Variants in RNF213 observed in about 807,000 individuals in gnomAD.
The protein encoded by RNF213 is E3 ubiquitin-protein ligase RNF213.
Under a neutral mutation model 514.4 loss-of-function variants are expected in RNF213, and 341 were observed. The observed-to-expected ratio is 0.66, with a 90% CI of 0.61 to 0.73. The LOEUF (loss-of-function observed/expected upper bound fraction) is 0.73, where lower values mean the gene tolerates loss of function less well. Among genes scored for constraint, RNF213 ranks in the 30% least tolerant of loss-of-function variants. The pLI, the probability that RNF213 is intolerant of heterozygous loss-of-function variation, is 0.00. For missense variants in RNF213, 5,767 were observed against 6,615.6 expected (o/e 0.87, Z 4.45); for synonymous variants, 2,655 against 2,658.2 (o/e 1.00, Z 0.04).
At chr17:80,295,900 T>C (rs2044924297) in intron 10 of RNF213, 87 bp downstream of exon 10, 2 of 1,474,896 alleles carry the variant, frequency 1.4e-6, no homozygotes, top group Admixed American at 1.7e-5. Flanking sequence ...CTAGAGTGAC[T>C]GAAAGCACAC....
chr17:80,269,052 A>G (rs956600569), intron 2 of RNF213, among the ~76,000 whole-genome samples: 6 of 152,300 alleles, frequency 3.9e-5, no homozygotes, highest in African/African-American at 1.4e-4. Flanking sequence ...GTCCAAGGGC[A>G]AGAGGAACGT....
intron 42 of RNF213, among the ~76,000 whole-genome samples, chr17:80,367,005 C>A (rs1020549799): frequency 6.6e-6 from 1 of 152,156 alleles, no homozygotes; most frequent in Non-Finnish European, 1.5e-5. Context: ...CAGACATATG[C>A]AAGAATGTTG....
Position 80,345,458 on chromosome 17 carries a change from G to A in RNF213, c.7123G>A (p.Glu2375Lys). 1 of 1,611,848 alleles carries A rather than the reference G, an allele frequency of 6.2e-7. No individual in the cohort carries two copies. Among genetic ancestry groups the A allele is most frequent in the Non-Finnish European group, 8.5e-7 (1 of 1,178,436 alleles). Reference sequence around the variant, plus strand: ...TAAACTGCCCAGACACAAGAAACTTGAGAGGCTCTGCCTGACCTTAGGGAT... The same window carrying A: ...TAAACTGCCCAGACACAAGAAACTTAAGAGGCTCTGCCTGACCTTAGGGAT... The part of the protein sequence containing the change: ...FDKLPRHKKL[E>K]RLCLTLGIPQ... Residue 2375 changes from glutamate to lysine, a missense_variant, in exon 29 of 68, where the codon GAG becomes AAG. Around this residue, in one of 13 missense-constraint regions of RNF213, gnomAD observed 1,377 missense variants for 1,635.2 expected, o/e 0.84. Transcript: ENST00000582970. This position sits in a 1 kb window ranked among gnomAD's most constrained non-coding sequence, Gnocchi z 6.0.
intron 61 of RNF213, 149 bp downstream of exon 61, chr17:80,385,770 G>A (rs2080212157): frequency 4.2e-6 from 3 of 721,282 alleles, no homozygotes; most frequent in Non-Finnish European, 4.9e-6. Flanking sequence ...TCGCCAGGCT[G>A]GAGTGCAGTG....
chr17:80,318,821 C>T (rs1268891999), intron 16 of RNF213, among the ~76,000 whole-genome samples: 2 of 152,204 alleles, frequency 1.3e-5, no homozygotes, highest in Non-Finnish European at 2.9e-5. Context: ...GATCCACCCG[C>T]CTCAGCCTCC....
In RNF213 at chr17:80,385,581, G is replaced by A; in HGVS notation, c.14499G>A (p.Leu4833=). 1 of 1,614,180 alleles carries A rather than the reference G, an allele frequency of 6.2e-7. No homozygotes were observed. The highest frequency in any genetic ancestry group is 8.5e-7 in the Non-Finnish European group (1 of 1,180,024). The change falls in exon 61 of 68, where the codon CTG becomes CTA. Residue 4833 remains leucine (L), a synonymous_variant. Transcript: ENST00000582970. The part of the protein sequence containing the change: ...QLLHNRITVF[L]STWNKLRRSL... The stretch of plus-strand genomic sequence containing the variant: ...TTCACAACAGGATCACAGTCTTTCT[G>A]TCCACATGGAACAAACTGAGGAGAT...
intron 44 of RNF213, among the ~76,000 whole-genome samples, 153 bp downstream of exon 44, chr17:80,368,296 A>G (rs903140411): frequency 1.9e-4 from 29 of 152,338 alleles, no homozygotes; most frequent in Admixed American, 1.7e-3. Context: ...ACGTACTTTC[A>G]TAAATATCTG....
At chr17:80,358,128 A>T (rs748948762) in intron 36 of RNF213, among the ~76,000 whole-genome samples, 160 bp from the exon 37 acceptor site, 4 of 152,264 alleles carry the variant, frequency 2.6e-5, no homozygotes, top group Non-Finnish European at 5.9e-5. Context: ...CTAGGACTTA[A>T]AAATGATGGA....
intron 17 of RNF213, among the ~76,000 whole-genome samples, chr17:80,321,945 C>T (rs6565669): frequency 0.65 from 98,477 of 151,860 alleles, 32,834 homozygotes; most frequent in African/African-American, 0.71. Flanking sequence ...ATGATGGTCT[C>T]GATCTCTTGA....
chr17:80,269,750 TTATC>T (rs956217081), intron 2 of RNF213, among the ~76,000 whole-genome samples: 9 of 151,788 alleles, frequency 5.9e-5, no homozygotes, highest in South Asian at 2.1e-4. Flanking sequence ...CCATCCCATC[TTATC>T]TATCCATCCG....
Position 80,343,971 on chromosome 17 carries a change from C to G in RNF213, c.6298C>G (p.Leu2100Val). The G allele has an allele frequency of 6.2e-7, 1 of 1,614,150 alleles. No individual in the cohort carries two copies. Among genetic ancestry groups the G allele is most frequent in the Non-Finnish European group, 8.5e-7 (1 of 1,180,024 alleles). ...NPCHLYIVEI[L>V]ERRTSVPSRS... is the part of the protein sequence containing the mutation. ...CTGCCATTTGTATATCGTTGAAATC[C>G]TGGAAAGGAGGACGTCAGTGCCGTC... Residue 2100 changes from leucine (L) to valine (V), a missense_variant, in exon 28 of 68, where the codon CTG becomes GTG. Coordinates refer to ENST00000582970, the MANE Select transcript of RNF213 (RefSeq NM_001256071.3). This position sits in a 1 kb window ranked among gnomAD's most constrained non-coding sequence, Gnocchi z 4.3.
At chr17:80,382,225 C>T (rs2080039117) in intron 57 of RNF213, 1 of 157,580 alleles carries the variant, frequency 6.3e-6, no homozygotes, top group Non-Finnish European at 1.4e-5. Context: ...ATTCACTGAG[C>T]TAACTTTCTA....
Position 80,346,874 on chromosome 17 carries a change from G to A in RNF213, c.8539G>A (p.Gly2847Arg). The A allele has an allele frequency of 6.2e-7, 1 of 1,614,052 alleles. No individual in the cohort carries two copies. The highest frequency in any genetic ancestry group is 1.1e-5 in the South Asian group (1 of 91,074). ...YVSVVVLDEV[G>R]LAEDSPKMPL... ...CTCTGTGGTGGTGTTAGATGAGGTG[G>A]GGCTGGCGGAAGACTCACCCAAAAT... The change falls in exon 29 of 68, where the codon GGG (glycine) becomes AGG (arginine). Residue 2847 changes from glycine to arginine, a missense_variant. Coordinates refer to ENST00000582970, the MANE Select transcript of RNF213 (RefSeq NM_001256071.3). This position sits in a 1 kb window ranked among gnomAD's most constrained non-coding sequence, Gnocchi z 8.1.
intron 3 of RNF213, among the ~76,000 whole-genome samples, chr17:80,277,499 G>A (rs1675902486): frequency 6.6e-6 from 1 of 150,488 alleles, no homozygotes; most frequent in African/African-American, 2.4e-5. Flanking sequence ...TCAGGAGGTT[G>A]AGGCAGGAGA....
chr17:80,377,800 A>C lies in RNF213; in HGVS notation c.13545+4A>C. 1 of 1,613,972 alleles carries C rather than the reference A, an allele frequency of 6.2e-7. No homozygotes were observed. The highest frequency in any genetic ancestry group is 1.6e-4 in the Middle Eastern group (1 of 6,062). ...CCATCCTTGCTCCGTGGGAGAGGTG[A>C]GTCTTGGTATTTAAGATAGGGTTTG... is the stretch of plus-strand genomic sequence containing the variant. On this transcript the variant is annotated splice_donor_region_variant and intron_variant, in intron 54 of 67. Transcript: ENST00000582970. This position sits in a 1 kb window ranked among gnomAD's most constrained non-coding sequence, Gnocchi z 4.1.
chr17:80,294,129 A>G (rs943172241), intron 8 of RNF213, among the ~76,000 whole-genome samples: 1 of 152,150 alleles, frequency 6.6e-6, no homozygotes, highest in African/African-American at 2.4e-5. Flanking sequence ...AGTCAACCTC[A>G]CTGGGTTTTC....
In RNF213 at chr17:80,333,642, C is replaced by T. The variant is rs548838459; in HGVS notation, c.4144-463C>T. Among the ~76,000 whole-genome samples the T allele has an allele frequency of 7.3e-5, 11 of 151,008 alleles. No individual in the cohort carries two copies. In the East Asian group the frequency reaches 1.8e-3, roughly 24 times the overall value. On this transcript the variant is annotated intron_variant, in intron 21 of 67. Coordinates refer to ENST00000582970, the MANE Select transcript of RNF213 (RefSeq NM_001256071.3). ...CACGGAGGCGGAGGTTGCAGTGAAC[C>T]GAGATCGTGCCACTGCACTCCAGCC... is the stretch of plus-strand genomic sequence containing the variant.
In RNF213 at chr17:80,288,076, C is replaced by T; in HGVS notation, c.523C>T (p.Gln175Ter). 1 of 1,608,360 alleles carries T rather than the reference C, an allele frequency of 6.2e-7. No homozygotes were observed. The highest frequency in any genetic ancestry group is 1.3e-5 in the African/African-American group (1 of 74,914). The change falls in exon 4 of 68, where the codon CAG (glutamine) becomes TAG (stop). Residue 175 changes from glutamine to a stop codon, truncating the protein, a stop_gained. Transcript: ENST00000582970. LOFTEE classifies it high-confidence loss of function. The surrounding 1 kb of genome is among the most constrained non-coding windows in gnomAD (Gnocchi z 4.9). ...APTEVGDSPL[Q>*]AQALGEAGVA... ...CACCGAGGTTGGCGACAGCCCCCTGCAGGCCCAGGCTTTGGGAGAGGCAGG... is the reference window on the plus strand; with the variant it reads ...CACCGAGGTTGGCGACAGCCCCCTGTAGGCCCAGGCTTTGGGAGAGGCAGG...
rs746441238 is a variant in RNF213, at chr17:80,393,383, A to G, written c.15509A>G (p.Glu5170Gly). The G allele has an allele frequency of 4.3e-6, 7 of 1,614,214 alleles. No homozygotes were observed. The South Asian group carries it at 7.7e-5, about 18-fold the overall frequency. ...DTLVSYMQTK[E>G]SEILPEMASQ... ...CTCGTAAGTTACATGCAAACTAAAG[A>G]AAGTGAAATTCTTCCTGAAATGGCA... Residue 5170 changes from glutamate to glycine, a missense_variant, in exon 68 of 68, where the codon GAA becomes GGA. Physicochemically the swap from Glu to Gly is moderately conservative, Grantham distance 98. Coordinates refer to ENST00000582970, the MANE Select transcript of RNF213 (RefSeq NM_001256071.3).
Sources: gnomAD v4.1 joint callset for allele counts (sites outside exome capture counted in the v4.1 genomes callset) on GRCh38, gnomAD v4.1.1 for gene constraint, gnomAD v4.1.1 regional missense constraint, Gnocchi (gnomAD v3.1) non-coding constraint, MANE v1.5 for transcripts, NCBI Gene and HGNC (gene_info 2026-07-23, HGNC 2026-07-21) for gene names.